The following CALN1 variants were observed in gnomAD, a reference collection of about 807,000 sequenced individuals.
The protein encoded by CALN1 is calcium-binding protein 8.
CALN1 carries 17 observed loss-of-function variants against 30.6 expected under a neutral mutation model. The ratio of observed to expected loss-of-function variants is 0.56; its 90% CI spans 0.38 to 0.83. The LOEUF is 0.83. Ranked by LOEUF, CALN1 falls within the 40% of genes least tolerant of loss-of-function variation. CALN1 has a pLI of 0.00. For synonymous variants in CALN1, 156 were observed against 131.4 expected (o/e 1.19, Z -1.28); for missense variants, 291 against 354.9 (o/e 0.82, Z 1.45).
chr7:72,435,327 C>T (rs923581439), intron 1 of CALN1, among the ~76,000 whole-genome samples: 1 of 151,960 alleles, frequency 6.6e-6, no homozygotes, highest in African/African-American at 2.4e-5. Context: ...GGAAACAGGC[C>T]AGCAGAGAGA....
intron 5 of CALN1, among the ~76,000 whole-genome samples, chr7:71,921,383 A>AAGTT (rs913438414): frequency 6.6e-6 from 1 of 152,202 alleles, no homozygotes; most frequent in African/African-American, 2.4e-5. Flanking sequence ...CCTTGTAAGT[A>AAGTT]AGTTATATAG....
intron 5 of CALN1, among the ~76,000 whole-genome samples, chr7:71,918,131 G>C (rs1278471890): frequency 6.6e-6 from 1 of 152,138 alleles, no homozygotes; most frequent in Non-Finnish European, 1.5e-5. Flanking sequence ...ATGCACAACT[G>C]AGTGCTATGT....
chr7:72,121,661 G>C (rs886787916), intron 3 of CALN1, among the ~76,000 whole-genome samples: 3 of 147,910 alleles, frequency 2.0e-5, no homozygotes, highest in Non-Finnish European at 4.5e-5. Context: ...TACATTTCTG[G>C]GTAGACAGAA....
chr7:72,173,639 T>C (rs1318078979), intron 3 of CALN1, among the ~76,000 whole-genome samples: 5 of 152,124 alleles, frequency 3.3e-5, no homozygotes, highest in African/African-American at 1.2e-4. Flanking sequence ...TACATATAAA[T>C]GGATATTTTA....
At chr7:72,420,057 C>T (rs1413686742) in intron 1 of CALN1, among the ~76,000 whole-genome samples, 2 of 152,192 alleles carry the variant, frequency 1.3e-5, no homozygotes, top group Non-Finnish European at 2.9e-5. Context: ...CACCCTGACC[C>T]TTCACGGAGC....
chr7:72,054,903 TAAAAA>T (rs945959050), intron 4 of CALN1, among the ~76,000 whole-genome samples: 4 of 151,532 alleles, frequency 2.6e-5, no homozygotes, highest in African/African-American at 9.7e-5. Flanking sequence ...GAAACTAAAA[TAAAAA>T]CAAAACAAAA....
intron 1 of CALN1, among the ~76,000 whole-genome samples, chr7:72,437,280 G>A (rs928008679): frequency 1.3e-5 from 2 of 151,998 alleles, no homozygotes; most frequent in African/African-American, 2.4e-5. Context: ...TTTTTCATTC[G>A]GAAAATAAGA....
At chr7:72,408,355 G>GA (rs1562955410) in intron 1 of CALN1, among the ~76,000 whole-genome samples, 1 of 151,678 alleles carries the variant, frequency 6.6e-6, no homozygotes. Flanking sequence ...GCATGAAAGA[G>GA]AATCACTTGA....
chr7:72,167,041 AAAAAAG>A (rs567957996), intron 3 of CALN1, among the ~76,000 whole-genome samples: 9 of 152,230 alleles, frequency 5.9e-5, no homozygotes, highest in African/African-American at 2.2e-4. Flanking sequence ...CTCAAGGAAA[AAAAAAG>A]AAAAAGAAAA....
At chr7:72,432,448 T>G (rs1237865935) in intron 1 of CALN1, among the ~76,000 whole-genome samples, 1 of 152,180 alleles carries the variant, frequency 6.6e-6, no homozygotes, top group Non-Finnish European at 1.5e-5. Flanking sequence ...CAGAAATAGC[T>G]GTGCGTCTCC....
At chr7:72,060,937 G>C (rs1803603950) in intron 4 of CALN1, among the ~76,000 whole-genome samples, 1 of 152,148 alleles carries the variant, frequency 6.6e-6, no homozygotes, top group Non-Finnish European at 1.5e-5. Context: ...TCAGTTTCAG[G>C]TATTTCTCCA....
rs369941868 is a variant in CALN1, at chr7:72,199,283, C to CATCA, written c.244+79399_244+79402dup. Among the ~76,000 whole-genome samples the CATCA allele has an allele frequency of 4.5e-4, 69 of 152,016 alleles. No homozygotes were observed. In the South Asian group the frequency reaches 4.6e-3, roughly 10 times the overall value. Reference sequence around the variant, plus strand: ...GAGCGAGACCCTGTCTCAAACAACACATCAATCAATCAATCAATCAATAAG... The same window carrying CATCA: ...GAGCGAGACCCTGTCTCAAACAACACATCAATCAATCAATCAATCAATCAATAAG... On this transcript the variant is annotated intron_variant, in intron 3 of 6. Coordinates refer to ENST00000395275, the MANE Select transcript of CALN1 (RefSeq NM_031468.4).
intron 5 of CALN1, among the ~76,000 whole-genome samples, chr7:71,893,881 G>C (rs531234055): frequency 6.6e-6 from 1 of 151,918 alleles, no homozygotes; most frequent in African/African-American, 2.4e-5. Flanking sequence ...AAATAATATT[G>C]GTCCAAAGAT....
chr7:72,070,609 A>ATTG (rs1234927397), intron 4 of CALN1, among the ~76,000 whole-genome samples: 1 of 152,176 alleles, frequency 6.6e-6, no homozygotes, highest in African/African-American at 2.4e-5. Context: ...CCCTGACTTT[A>ATTG]TTGTGGCTTT....
chr7:72,160,404 G>A lies in CALN1; in HGVS notation c.245-54110C>T, dbSNP rs566237168. On this transcript the variant is annotated intron_variant, in intron 3 of 6. Coordinates refer to ENST00000395275, the MANE Select transcript of CALN1 (RefSeq NM_031468.4). ...AGCGATGCCCCTGCCTCAGCCACCCGAGTAGCTGGGATTACAGGCATGCGC... is the reference window on the plus strand; with the variant it reads ...AGCGATGCCCCTGCCTCAGCCACCCAAGTAGCTGGGATTACAGGCATGCGC... 5.9e-5 allele frequency among the ~76,000 whole-genome samples: 9 copies of A among 151,864 alleles called. No homozygotes were observed. The East Asian group carries it at 1.4e-3, about 23-fold the overall frequency.
intron 2 of CALN1, among the ~76,000 whole-genome samples, chr7:72,392,807 G>C (rs1805662545): frequency 6.7e-6 from 1 of 148,332 alleles, no homozygotes; most frequent in East Asian, 2.0e-4. Context: ...GCAAGACCCT[G>C]TTTAAATTAA....
chr7:72,316,654 G>C (rs993558018), intron 2 of CALN1, among the ~76,000 whole-genome samples: 17 of 152,008 alleles, frequency 1.1e-4, no homozygotes, highest in South Asian at 2.1e-4. Context: ...GAATATTTTA[G>C]GCCGGGGGCA....
At chr7:71,790,308 AAAG>A (rs1282743337) in intron 6 of CALN1, among the ~76,000 whole-genome samples, 7 of 150,180 alleles carry the variant, frequency 4.7e-5, no homozygotes, top group East Asian at 2.0e-4. Context: ...AAGGAGAAAG[AAAG>A]AAGAAAGAAA....
chr7:72,069,982 C>G (rs1201753472), intron 4 of CALN1, among the ~76,000 whole-genome samples: 1 of 152,154 alleles, frequency 6.6e-6, no homozygotes, highest in Non-Finnish European at 1.5e-5. Flanking sequence ...TTCCCAAGAA[C>G]AACATCTGTC....
Sources: allele counts gnomAD v4.1 joint callset (sites outside exome capture counted in the v4.1 genomes callset), GRCh38; gene constraint gnomAD v4.1.1; transcripts MANE v1.5; gene names NCBI Gene and HGNC (gene_info 2026-07-23, HGNC 2026-07-21).